Variants in SNAP29 observed in about 807,000 individuals in gnomAD.
SNAP29 encodes the protein synaptosomal-associated protein 29.
A neutral mutation model predicts 27.9 loss-of-function variants in SNAP29; 13 were observed. The ratio of observed to expected loss-of-function variants is 0.47; its 90% CI spans 0.30 to 0.74. The LOEUF is 0.74. Ranked by LOEUF, SNAP29 falls within the 30% of genes least tolerant of loss-of-function variation. The pLI, the probability that SNAP29 is intolerant of heterozygous loss-of-function variation, is 0.06. For synonymous variants in SNAP29, 119 were observed against 127.1 expected, an observed-to-expected ratio of 0.94 and a Z score of 0.43; for missense variants, 368 against 336.5, an observed-to-expected ratio of 1.09 and a Z score of -0.73.
rs115012409 is a variant in SNAP29, at chr22:20,883,015, G to A, written c.521-456G>A. Among the ~76,000 whole-genome samples, 1,371 of 147,500 alleles carry A rather than the reference G, an allele frequency of 9.3e-3. 17 individuals carry two copies. The highest frequency in any genetic ancestry group is 0.033 in the African/African-American group (1,328 of 39,876). ...TAACATTTCTTTTTTTTTTTTTTGCGTATTTGTTTCAAGTGCAAAGATAGT... is the reference window on the plus strand; with the variant it reads ...TAACATTTCTTTTTTTTTTTTTTGCATATTTGTTTCAAGTGCAAAGATAGT... On this transcript the variant is annotated intron_variant, in intron 3 of 4. Coordinates refer to ENST00000215730, the MANE Select transcript of SNAP29 (RefSeq NM_004782.4).
intron 3 of SNAP29, among the ~76,000 whole-genome samples, chr22:20,882,631 A>C (rs2147871905): frequency 6.6e-6 from 1 of 152,280 alleles, no homozygotes; most frequent in South Asian, 2.1e-4. Flanking sequence ...AGTGAGTGTA[A>C]ATTGAAAGGC....
At chr22:20,879,877 C>G (rs1197750503) in intron 2 of SNAP29, among the ~76,000 whole-genome samples, 1 of 137,166 alleles carries the variant, frequency 7.3e-6, no homozygotes, top group Admixed American at 7.4e-5. Context: ...AAAAAAAAAG[C>G]CAGGCAGGGT....
At chr22:20,884,507 A>G (rs529375650) in intron 4 of SNAP29, among the ~76,000 whole-genome samples, 56 of 151,988 alleles carry the variant, frequency 3.7e-4, no homozygotes, top group African/African-American at 1.2e-3. Flanking sequence ...CGTGGCCCCT[A>G]TCTGCCTGGA....
chr22:20,876,155 T>C (rs1928739209), intron 2 of SNAP29, among the ~76,000 whole-genome samples: 1 of 143,562 alleles, frequency 7.0e-6, no homozygotes, highest in Non-Finnish European at 1.5e-5. Context: ...AGACTCCATC[T>C]CAAAAAAAAA....
chr22:20,869,043 G>A (rs1475318790), intron 1 of SNAP29, among the ~76,000 whole-genome samples: 1 of 152,174 alleles, frequency 6.6e-6, no homozygotes, highest in Non-Finnish European at 1.5e-5. Context: ...TTGGGAGGCC[G>A]AGGCGGGTGG....
chr22:20,883,464 A>G lies in SNAP29; in HGVS notation c.521-7A>G. On this transcript the variant is annotated splice_polypyrimidine_tract_variant and splice_region_variant and intron_variant, in intron 3 of 4. Transcript: ENST00000215730. ...ACCGCTCTCCTGGTGTTTCCTTCTA[A>G]ACTTAGACCCTGTCCCCAGAGGGGC... 6.3e-7 allele frequency: 1 copy of G among 1,592,884 alleles called. No homozygotes were observed. Among genetic ancestry groups the G allele is most frequent in the Non-Finnish European group, 8.6e-7 (1 of 1,161,074 alleles).
In SNAP29 at chr22:20,878,648, C is replaced by T. The variant is rs183599394; in HGVS notation, c.435-2401C>T. Among the ~76,000 whole-genome samples the T allele has an allele frequency of 1.7e-3, 258 of 151,532 alleles. 2 individuals carry two copies. Among genetic ancestry groups the T allele is most frequent in the African/African-American group, 6.0e-3 (249 of 41,354 alleles). On this transcript the variant is annotated intron_variant, in intron 2 of 4. Coordinates refer to ENST00000215730, the MANE Select transcript of SNAP29 (RefSeq NM_004782.4). ...CTTAGGGGGTGGGAGATCAAGAGGG[C>T]GTTTGTTTTGCCTGGATTACTGGGA...
chr22:20,881,052 G>T lies in SNAP29; in HGVS notation c.438G>T (p.Leu146Phe), dbSNP rs759479986. 4.4e-6 allele frequency: 7 copies of T among 1,605,730 alleles called. No homozygotes were observed. The South Asian group carries it at 7.7e-5, about 18-fold the overall frequency. Residue 146 changes from leucine (L) to phenylalanine (F), a missense_variant, in exon 3 of 5, where the codon TTG (leucine) becomes TTT (phenylalanine). Leu to Phe is a conservative substitution (Grantham distance 22). Transcript: ENST00000215730. ...GTLTSQPNNR[L>F]KEAISTSKEQ... ...TTTTGTGAACTTTTATCCAAAGATT[G>T]AAAGAAGCTATAAGTACAAGTAAAG...
At position 20,888,946 on chromosome 22, in the gene SNAP29, A is replaced by G. The variant is rs1929089283; in HGVS notation, c.*1110A>G. On this transcript the variant is annotated 3_prime_UTR_variant, in exon 5 of 5. Transcript: ENST00000215730. ...TGCTAAGGGGGCAAAAAGCCCAGAT[A>G]CCATTTTAACTGGCCCAGTTCATTT... 6.6e-6 allele frequency: 1 copy of G among 152,236 alleles called. No individual in the cohort carries two copies. Among genetic ancestry groups the G allele is most frequent in the Non-Finnish European group, 1.5e-5 (1 of 68,040 alleles). The allele number at this position is 152,236 out of a possible 1,614,324, so 9.4% of individuals were successfully genotyped here. A position where few individuals can be genotyped will look rare whatever the true frequency, so the allele number is the denominator to read the frequency against.
intron 1 of SNAP29, among the ~76,000 whole-genome samples, chr22:20,862,545 CAT>C (rs1223744905): frequency 6.6e-6 from 1 of 152,116 alleles, no homozygotes; most frequent in African/African-American, 2.4e-5. Flanking sequence ...GTTCTGGTCT[CAT>C]AGCGCAGGAG....
At chr22:20,874,624 C>T (rs531312644) in intron 2 of SNAP29, among the ~76,000 whole-genome samples, 28 of 150,718 alleles carry the variant, frequency 1.9e-4, no homozygotes, top group Admixed American at 1.8e-3. Flanking sequence ...AGAGTTGGCC[C>T]TGGGAACCTG....
In SNAP29 at chr22:20,890,902, CG is replaced by C. The variant is rs1929137949; in HGVS notation, c.*3067del. The C allele has an allele frequency of 6.6e-6, 1 of 151,198 alleles. No individual in the cohort carries two copies. Among genetic ancestry groups the C allele is most frequent in the Non-Finnish European group, 1.5e-5 (1 of 67,944 alleles). The allele number at this position is 151,198 out of a possible 1,614,324, so 9.4% of individuals were successfully genotyped here. On this transcript the variant is annotated 3_prime_UTR_variant, in exon 5 of 5. Transcript: ENST00000215730. ...CATCCTGGCTAACACAGTGAAACCCCGTCTCTACTAAAAATATAAAAAATTA... is the reference window on the plus strand; with the variant it reads ...CATCCTGGCTAACACAGTGAAACCCCTCTCTACTAAAAATATAAAAAATTA...
rs371833796 is a variant in SNAP29, at chr22:20,888,349, ACACACACT to A, written c.*515_*522del. On this transcript the variant is annotated 3_prime_UTR_variant, in exon 5 of 5. Transcript: ENST00000215730. ...CACACACACACACACACACACACAC[ACACACACT>A]CTCTGAGCACATTATCTGTGATTCT... 54,963 of 176,166 alleles carry A rather than the reference ACACACACT, an allele frequency of 0.31. 8,349 individuals carry two copies. The highest frequency in any genetic ancestry group is 0.4 in the Admixed American group (6,684 of 16,538). The allele number at this position is 176,166 out of a possible 1,614,324, so 10.9% of individuals were successfully genotyped here. A position where few individuals can be genotyped will look rare whatever the true frequency, so the allele number is the denominator to read the frequency against.
chr22:20,867,709 C>T (rs1210735522), intron 1 of SNAP29, among the ~76,000 whole-genome samples: 1 of 152,240 alleles, frequency 6.6e-6, no homozygotes, highest in South Asian at 2.1e-4. Flanking sequence ...CTTCTCTGTG[C>T]TCCCATCTAA....
At position 20,888,311 on chromosome 22, in the gene SNAP29, T is replaced by TCACA. The variant is rs575240461; in HGVS notation, c.*517_*520dup. 771 of 174,602 alleles carry TCACA rather than the reference T, an allele frequency of 4.4e-3. 7 individuals are homozygous for TCACA. The highest frequency in any genetic ancestry group is 0.02 in the East Asian group (134 of 6,552). 10.8% of individuals were successfully genotyped at this position (174,602 alleles called of 1,614,324 possible). On this transcript the variant is annotated 3_prime_UTR_variant, in exon 5 of 5. Transcript: ENST00000215730. ...CACACCTTTGTTTAGGAGTCATCAT[T>TCACA]CACACACACACACACACACACACAC...
In SNAP29 at chr22:20,889,278, C is replaced by G. The variant is rs1286072196; in HGVS notation, c.*1442C>G. 6.6e-6 allele frequency: 1 copy of G among 152,280 alleles called. No individual in the cohort carries two copies. Among genetic ancestry groups the G allele is most frequent in the Non-Finnish European group, 1.5e-5 (1 of 68,020 alleles). 9.4% of individuals were successfully genotyped at this position (152,280 alleles called of 1,614,324 possible). On this transcript the variant is annotated 3_prime_UTR_variant, in exon 5 of 5. Coordinates refer to ENST00000215730, the MANE Select transcript of SNAP29 (RefSeq NM_004782.4). ...GCAAAGGAAACCTCCACAAGTGCTG[C>G]AACAGTGCATTAGTTTTTATGTAGC...
chr22:20,882,082 A>T (rs376401759), intron 3 of SNAP29, among the ~76,000 whole-genome samples: 1 of 152,070 alleles, frequency 6.6e-6, no homozygotes, highest in East Asian at 1.9e-4. Flanking sequence ...GCCAAGGTAC[A>T]CGGGTGAACT....
rs755362062 is a variant in SNAP29, at chr22:20,859,247, G to A, written c.137G>A (p.Arg46Gln). ...DAPADRQQYLRQEVLRRAEAT... is the reference protein window; with the variant it reads ...DAPADRQQYLQQEVLRRAEAT... Reference sequence around the variant, plus strand: ...CCCGCGGACAGGCAGCAGTACTTGCGGCAGGAGGTCCTCCGCAGGGCTGAG... The same window carrying A: ...CCCGCGGACAGGCAGCAGTACTTGCAGCAGGAGGTCCTCCGCAGGGCTGAG... The change falls in exon 1 of 5, where the codon CGG becomes CAG. Residue 46 changes from arginine to glutamine, a missense_variant. Coordinates refer to ENST00000215730, the MANE Select transcript of SNAP29 (RefSeq NM_004782.4). 11 of 1,604,716 alleles carry A rather than the reference G, an allele frequency of 6.9e-6. No homozygotes were observed. Among genetic ancestry groups the A allele is most frequent in the South Asian group, 1.1e-5 (1 of 90,136 alleles).
At position 20,859,346 on chromosome 22, in the gene SNAP29, A is replaced by G; in HGVS notation, c.236A>G (p.Glu79Gly). ...ESEKVGVASS[E>G]ELARQRGVLE... ...GAGAAGGTTGGGGTCGCCTCTTCCG[A>G]GGTGAGCCTGGGGCAGGGCTGGTGT... The change falls in exon 1 of 5, where the codon GAG becomes GGG. Residue 79 changes from glutamate (E) to glycine (G), a missense_variant and splice_region_variant. Glu to Gly is a moderately conservative substitution (Grantham distance 98). Transcript: ENST00000215730. 6.2e-7 allele frequency: 1 copy of G among 1,607,040 alleles called. No individual in the cohort carries two copies. Among genetic ancestry groups the G allele is most frequent in the South Asian group, 1.1e-5 (1 of 90,922 alleles).
Sources: allele counts gnomAD v4.1 joint callset (sites outside exome capture counted in the v4.1 genomes callset), GRCh38; gene constraint gnomAD v4.1.1; transcripts MANE v1.5; gene names NCBI Gene and HGNC (gene_info 2026-07-23, HGNC 2026-07-21).